PDSS2: variants seen among roughly 807,000 people sequenced by gnomAD.
PDSS2 encodes decaprenyl diphosphate synthase subunit 2.
In PDSS2, 31 loss-of-function variants were observed where a neutral mutation model predicts 44.5. The ratio of observed to expected loss-of-function variants is 0.70; its 90% CI spans 0.52 to 0.94. PDSS2 has a LOEUF of 0.94. Among genes scored for constraint, PDSS2 ranks in the 40% least tolerant of loss-of-function variants. The pLI is 0.00. For synonymous variants in PDSS2, 157 were observed against 180.3 expected (o/e 0.87, Z 1.03); for missense variants, 452 against 482.2 (o/e 0.94, Z 0.59).
At position 107,349,259 on chromosome 6, in the gene PDSS2, C is replaced by T. The variant is rs535661858; in HGVS notation, c.297-14927G>A. Among the ~76,000 whole-genome samples the T allele has an allele frequency of 2.4e-3, 359 of 152,028 alleles. 1 individual carries two copies. The highest frequency in any genetic ancestry group is 8.3e-3 in the African/African-American group (345 of 41,442). ...TATCCTGGCTAACACGGTGAAACCC[C>T]GTCTCTACTAAAAATACAAAAAAAT... is the stretch of plus-strand genomic sequence containing the variant. On this transcript the variant is annotated intron_variant, in intron 1 of 7. Coordinates refer to ENST00000369037, the MANE Select transcript of PDSS2 (RefSeq NM_020381.4).
At chr6:107,427,361 T>C (rs944847102) in intron 1 of PDSS2, among the ~76,000 whole-genome samples, 1 of 152,192 alleles carries the variant, frequency 6.6e-6, no homozygotes, top group African/African-American at 2.4e-5. Context: ...GTAAGTCCAT[T>C]ACATCTTTTT....
Position 107,429,901 on chromosome 6 carries a change from A to AAATAC in PDSS2, c.296+29088_296+29089insGTATT, listed in dbSNP as rs1166637352. ...CTTAGTCTCAAAAAAAAAAAAAAAA[A>AAATAC]ATATATATATATATATATATATATA... On this transcript the variant is annotated intron_variant, in intron 1 of 7. Coordinates refer to ENST00000369037, the MANE Select transcript of PDSS2 (RefSeq NM_020381.4). Among the ~76,000 whole-genome samples, 36 of 31,836 alleles carry AAATAC rather than the reference A, an allele frequency of 1.1e-3. 2 individuals are homozygous for AAATAC. The highest frequency in any genetic ancestry group is 4.4e-3 in the African/African-American group (35 of 7,982). 20.9% of individuals were successfully genotyped at this position (31,836 alleles called of 152,430 possible). A position where few individuals can be genotyped will look rare whatever the true frequency, so the allele number is the denominator to read the frequency against.
chr6:107,226,318 A>C (rs1176351313), intron 4 of PDSS2, among the ~76,000 whole-genome samples: 1 of 151,944 alleles, frequency 6.6e-6, no homozygotes, highest in Non-Finnish European at 1.5e-5. Flanking sequence ...TCTCAAAAAA[A>C]AGAAATATAA....
chr6:107,227,580 C>T (rs181063263), intron 4 of PDSS2, among the ~76,000 whole-genome samples: 47 of 152,248 alleles, frequency 3.1e-4, no homozygotes, highest in East Asian at 2.3e-3. Flanking sequence ...GCCACTGCAT[C>T]GGGCCCAGAG....
At chr6:107,422,522 A>G (rs1289479141) in intron 1 of PDSS2, among the ~76,000 whole-genome samples, 2 of 152,100 alleles carry the variant, frequency 1.3e-5, no homozygotes, top group African/African-American at 2.4e-5. Flanking sequence ...TGCAAATTCC[A>G]TCACAGTACT....
chr6:107,355,819 C>T (rs561512685), intron 1 of PDSS2, among the ~76,000 whole-genome samples: 11 of 152,354 alleles, frequency 7.2e-5, no homozygotes, highest in African/African-American at 2.6e-4. Context: ...CATATCCCAG[C>T]ATATGCCAAT....
intron 2 of PDSS2, among the ~76,000 whole-genome samples, chr6:107,325,246 T>C (rs1182565788): frequency 1.3e-5 from 2 of 152,224 alleles, no homozygotes; most frequent in East Asian, 1.9e-4. Context: ...CTTATAGTTA[T>C]GTTTATGATG....
intron 1 of PDSS2, among the ~76,000 whole-genome samples, chr6:107,432,897 A>G (rs972417350): frequency 6.6e-6 from 1 of 152,148 alleles, no homozygotes; most frequent in Non-Finnish European, 1.5e-5. Context: ...GTAACTTTGT[A>G]TCTGTTAACC....
intron 4 of PDSS2, among the ~76,000 whole-genome samples, chr6:107,219,647 C>T (rs1773533930): frequency 6.6e-6 from 1 of 152,170 alleles, no homozygotes; most frequent in South Asian, 2.1e-4. Flanking sequence ...CTCTCAAATA[C>T]TACCACAAAT....
At chr6:107,426,229 A>G (rs1247229616) in intron 1 of PDSS2, among the ~76,000 whole-genome samples, 8 of 152,176 alleles carry the variant, frequency 5.3e-5, no homozygotes, top group Non-Finnish European at 1.2e-4. Flanking sequence ...CCATGGCTGA[A>G]AGGGGCCAAC....
chr6:107,405,854 A>C (rs1359553661), intron 1 of PDSS2, among the ~76,000 whole-genome samples: 1 of 151,802 alleles, frequency 6.6e-6, no homozygotes, highest in Non-Finnish European at 1.5e-5. Flanking sequence ...CTCAAAAAAA[A>C]AAAAAAAAAA....
At chr6:107,209,421 C>T (rs1773119386) in intron 6 of PDSS2, among the ~76,000 whole-genome samples, 1 of 152,146 alleles carries the variant, frequency 6.6e-6, no homozygotes, top group African/African-American at 2.4e-5. Flanking sequence ...CTGAGTTTGA[C>T]AGTTTCTTCA....
chr6:107,386,415 T>C (rs1779614150), intron 1 of PDSS2, among the ~76,000 whole-genome samples: 1 of 151,402 alleles, frequency 6.6e-6, no homozygotes, highest in African/African-American at 2.4e-5. Flanking sequence ...AATTGGATCC[T>C]ATATTTAAGT....
chr6:107,313,382 T>G (rs1009481647), intron 2 of PDSS2, among the ~76,000 whole-genome samples: 2 of 152,222 alleles, frequency 1.3e-5, no homozygotes, highest in African/African-American at 4.8e-5. Context: ...AGACAGAGTC[T>G]TGCTCTGTTG....
chr6:107,310,286 A>C (rs1427780383), intron 2 of PDSS2, among the ~76,000 whole-genome samples: 271 of 22,504 alleles, frequency 0.012, 4 homozygotes, highest in East Asian at 0.038. Flanking sequence ...CTCCATCCCA[A>C]AAAAAAAAAA....
chr6:107,312,872 G>A (rs148489930), intron 2 of PDSS2, among the ~76,000 whole-genome samples: 36 of 152,348 alleles, frequency 2.4e-4, no homozygotes, highest in Non-Finnish European at 2.9e-5. Context: ...TACAACAGCT[G>A]TGGTAAATAG....
At chr6:107,458,032 G>A (rs919012579) in intron 1 of PDSS2, among the ~76,000 whole-genome samples, 11 of 152,130 alleles carry the variant, frequency 7.2e-5, no homozygotes, top group Non-Finnish European at 1.2e-4. Context: ...GTGTGTATAT[G>A]TATTTAATGT....
At chr6:107,227,783 T>C (rs556341675) in intron 4 of PDSS2, among the ~76,000 whole-genome samples, 5 of 152,316 alleles carry the variant, frequency 3.3e-5, no homozygotes, top group South Asian at 2.1e-4. Flanking sequence ...TTTATGAAGA[T>C]AGAGAACAAT....
At chr6:107,253,537 C>G (rs867202667) in intron 3 of PDSS2, among the ~76,000 whole-genome samples, 1 of 152,188 alleles carries the variant, frequency 6.6e-6, no homozygotes, top group African/African-American at 2.4e-5. Context: ...GTTGCAAGAC[C>G]TTGGGCCAAC....
Sources: allele counts gnomAD v4.1 joint callset (sites outside exome capture counted in the v4.1 genomes callset), GRCh38; gene constraint gnomAD v4.1.1; transcripts MANE v1.5; gene names NCBI Gene and HGNC (gene_info 2026-07-23, HGNC 2026-07-21).